RAPGEF2: variants seen among roughly 807,000 people sequenced by gnomAD.
The protein encoded by RAPGEF2 is Rap guanine nucleotide exchange factor 2.
A neutral mutation model predicts 186.7 loss-of-function variants in RAPGEF2; 54 were observed. The ratio of observed to expected loss-of-function variants is 0.29; its 90% confidence interval spans 0.23 to 0.36. The LOEUF (loss-of-function observed/expected upper bound fraction) is 0.36, where lower values mean the gene tolerates loss of function less well. Ranked by LOEUF, RAPGEF2 falls within the 10% of genes least tolerant of loss-of-function variation. The pLI is 1.00. For synonymous variants in RAPGEF2, 712 were observed against 705.9 expected, an observed-to-expected ratio of 1.01 and a Z score of -0.14; for missense variants, 1,532 against 2,045.0, an observed-to-expected ratio of 0.75 and a Z score of 4.84.
chr4:159,334,848 C>G (rs574245899), intron 17 of RAPGEF2, among the ~76,000 whole-genome samples: 1 of 152,208 alleles, frequency 6.6e-6, no homozygotes, highest in Non-Finnish European at 1.5e-5. Flanking sequence ...GAGGAAACAT[C>G]TTAAATAATT....
At chr4:159,167,853 A>G (rs1435499925) in intron 1 of RAPGEF2, among the ~76,000 whole-genome samples, 15 of 152,252 alleles carry the variant, frequency 9.9e-5, no homozygotes, top group Non-Finnish European at 2.2e-4. Context: ...TGGATAGTTG[A>G]GAAAATGGAC....
At chr4:159,144,619 G>A (rs1055736248) in intron 1 of RAPGEF2, among the ~76,000 whole-genome samples, 2 of 152,106 alleles carry the variant, frequency 1.3e-5, no homozygotes, top group Non-Finnish European at 2.9e-5. Flanking sequence ...TGTTTACTCT[G>A]TTGAACTGTG....
chr4:159,325,806 C>T (rs932605895), intron 11 of RAPGEF2, among the ~76,000 whole-genome samples: 13 of 151,890 alleles, frequency 8.6e-5, no homozygotes, highest in Admixed American at 8.5e-4. Context: ...TCTGGGAGTT[C>T]TGGAAAAGGA....
intron 1 of RAPGEF2, among the ~76,000 whole-genome samples, chr4:159,139,440 TC>T (rs1267436033): frequency 6.6e-6 from 1 of 152,126 alleles, no homozygotes; most frequent in Non-Finnish European, 1.5e-5. Flanking sequence ...GAGAAGGACA[TC>T]CTATATAATG....
intron 1 of RAPGEF2, among the ~76,000 whole-genome samples, chr4:159,125,534 G>A (rs1560987760): frequency 6.6e-6 from 1 of 152,126 alleles, no homozygotes; most frequent in East Asian, 1.9e-4. Context: ...TGGGGTGGGC[G>A]GAACATGAGG....
intron 4 of RAPGEF2, among the ~76,000 whole-genome samples, chr4:159,226,009 T>G (rs528946242): frequency 6.6e-6 from 1 of 152,322 alleles, no homozygotes; most frequent in East Asian, 1.9e-4. Flanking sequence ...TCAACCTCCT[T>G]TTTTATAATT....
At chr4:159,286,054 C>T (rs1760434923) in intron 7 of RAPGEF2, among the ~76,000 whole-genome samples, 1 of 144,820 alleles carries the variant, frequency 6.9e-6, no homozygotes, top group Non-Finnish European at 1.5e-5. Flanking sequence ...CCACCACCAC[C>T]ACCACCACCA....
chr4:159,293,920 G>A (rs115779773), intron 7 of RAPGEF2, among the ~76,000 whole-genome samples: 1 of 152,134 alleles, frequency 6.6e-6, no homozygotes, highest in East Asian at 1.9e-4. Flanking sequence ...AGATATAGAA[G>A]TGGCGTACTC....
At chr4:159,218,458 A>G (rs1289679816) in intron 4 of RAPGEF2, among the ~76,000 whole-genome samples, 3 of 152,272 alleles carry the variant, frequency 2.0e-5, no homozygotes, top group Middle Eastern at 3.4e-3. Flanking sequence ...TATAGAGAAC[A>G]TTATTAGAAG....
intron 4 of RAPGEF2, among the ~76,000 whole-genome samples, chr4:159,221,918 C>T (rs1469907771): frequency 6.6e-6 from 1 of 152,132 alleles, no homozygotes; most frequent in African/African-American, 2.4e-5. Flanking sequence ...GAAACTTTAG[C>T]TACACTAGTT....
At chr4:159,199,381 A>T (rs1253589727) in intron 3 of RAPGEF2, among the ~76,000 whole-genome samples, 1 of 152,178 alleles carries the variant, frequency 6.6e-6, no homozygotes, top group Non-Finnish European at 1.5e-5. Flanking sequence ...CAATTAATCC[A>T]TAATCTTCAT....
chr4:159,216,069 G>A (rs1750966390), intron 4 of RAPGEF2, among the ~76,000 whole-genome samples: 1 of 152,174 alleles, frequency 6.6e-6, no homozygotes, highest in African/African-American at 2.4e-5. Context: ...ATTGAGGTTT[G>A]CTTCAAGGGC....
rs1561230796 is a variant in RAPGEF2, at chr4:159,295,766, C to CGT, written c.544-8575_544-8574insTG. ...GTGTGTGTGTGTGTGCGCGCGCGCGCGCGCGCGCATGCACATAATGTTTTT... is the reference window on the plus strand; with the variant it reads ...GTGTGTGTGTGTGTGCGCGCGCGCGCGTGCGCGCGCATGCACATAATGTTTTT... On this transcript the variant is annotated intron_variant, in intron 7 of 29. Transcript: ENST00000691494. Among the ~76,000 whole-genome samples the CGT allele has an allele frequency of 5.2e-4, 75 of 145,128 alleles. 1 individual carries two copies. The highest frequency in any genetic ancestry group is 3.6e-3 in the Middle Eastern group (1 of 276).
At chr4:159,257,025 G>A (rs1756255653) in intron 7 of RAPGEF2, among the ~76,000 whole-genome samples, 1 of 152,026 alleles carries the variant, frequency 6.6e-6, no homozygotes, top group Admixed American at 6.6e-5. Context: ...CTTTTGCTGT[G>A]CAGAGGCTCT....
chr4:159,272,654 A>C (rs1010748816), intron 7 of RAPGEF2, among the ~76,000 whole-genome samples: 1 of 152,234 alleles, frequency 6.6e-6, no homozygotes. Flanking sequence ...ATCAGCTGTT[A>C]AGAGTACAGT....
chr4:159,313,078 G>A (rs1236445900), intron 8 of RAPGEF2, among the ~76,000 whole-genome samples: 2 of 152,122 alleles, frequency 1.3e-5, no homozygotes, highest in African/African-American at 2.4e-5. Context: ...AACCTGGGAG[G>A]CAGAGGTTGC....
chr4:159,347,402 A>G (rs1379138090), intron 25 of RAPGEF2, among the ~76,000 whole-genome samples: 2 of 152,216 alleles, frequency 1.3e-5, no homozygotes, highest in South Asian at 4.1e-4. Context: ...TTATTTGTTG[A>G]CTCACTGATT....
chr4:159,173,287 G>A (rs1339275309), intron 1 of RAPGEF2, among the ~76,000 whole-genome samples: 2 of 152,112 alleles, frequency 1.3e-5, no homozygotes, highest in Admixed American at 6.5e-5. Flanking sequence ...ATAAAGAACT[G>A]GTGTCCTCAG....
chr4:159,340,708 T>C (rs10084796), intron 19 of RAPGEF2, among the ~76,000 whole-genome samples: 672 of 54,532 alleles, frequency 0.012, 60 homozygotes, highest in African/African-American at 0.026. Flanking sequence ...CACACACACA[T>C]TTATGGAATT....
Sources: allele counts gnomAD v4.1 joint callset (sites outside exome capture counted in the v4.1 genomes callset), GRCh38; gene constraint gnomAD v4.1.1; transcripts MANE v1.5; gene names NCBI Gene and HGNC (gene_info 2026-07-23, HGNC 2026-07-21).